PRICKLE2: variants seen among roughly 807,000 people sequenced by gnomAD.
PRICKLE2 encodes the protein prickle planar cell polarity protein 2.
Under a neutral mutation model 81.4 loss-of-function variants are expected in PRICKLE2, and 21 were observed. That is an observed-to-expected ratio of 0.26 (90% CI 0.18 to 0.37). PRICKLE2 has a LOEUF of 0.37. Ranked by LOEUF, PRICKLE2 falls within the 10% of genes least tolerant of loss-of-function variation. The pLI is 1.00. For synonymous variants in PRICKLE2, 456 were observed against 421.5 expected (o/e 1.08, Z -1.00); for missense variants, 940 against 1,109.0 (o/e 0.85, Z 2.16).
Position 64,177,487 on chromosome 3 carries a change from A to G in PRICKLE2, c.145-14358T>C, listed in dbSNP as rs1575623560. 2.0e-5 allele frequency among the ~76,000 whole-genome samples: 3 copies of G among 152,234 alleles called. No individual in the cohort carries two copies. The South Asian group carries it at 6.2e-4, about 32-fold the overall frequency. On this transcript the variant is annotated intron_variant, in intron 2 of 7. Coordinates refer to ENST00000638394, the MANE Select transcript of PRICKLE2 (RefSeq NM_198859.4). ...CAGTGGCACTGGGTACATTCACAAT[A>G]TCATGCAATCATCACCACTATCTCG...
chr3:64,221,623 G>A (rs926398162), intron 1 of PRICKLE2, among the ~76,000 whole-genome samples: 2 of 152,178 alleles, frequency 1.3e-5, no homozygotes, highest in Non-Finnish European at 2.9e-5. Flanking sequence ...GTCACCAGCA[G>A]TTCCCTGTTT....
At chr3:64,101,529 A>C (rs1281041677) in intron 7 of PRICKLE2, 1 of 152,248 alleles carries the variant, frequency 6.6e-6, no homozygotes, top group Admixed American at 6.5e-5. Flanking sequence ...CACTGGCCAA[A>C]TCTGAACAAT....
chr3:64,226,152 C>T (rs1380336817), upstream of PRICKLE2, among the ~76,000 whole-genome samples: 1 of 152,150 alleles, frequency 6.6e-6, no homozygotes, highest in African/African-American at 2.4e-5. Context: ...CTTCCATCTC[C>T]TCATTTTACA....
intron 2 of PRICKLE2, among the ~76,000 whole-genome samples, chr3:64,261,419 T>C (rs1183882748): frequency 2.0e-5 from 3 of 152,170 alleles, no homozygotes. Flanking sequence ...AATGATGCAA[T>C]CCTTGCCTTT....
chr3:64,176,963 C>T (rs903841481), intron 2 of PRICKLE2, among the ~76,000 whole-genome samples: 13 of 152,000 alleles, frequency 8.6e-5, no homozygotes, highest in African/African-American at 1.2e-4. Flanking sequence ...CTATATTATG[C>T]CACTTTAGAG....
intron 2 of PRICKLE2, among the ~76,000 whole-genome samples, chr3:64,244,087 G>A (rs2079310331): frequency 6.6e-6 from 1 of 152,186 alleles, no homozygotes; most frequent in South Asian, 2.1e-4. Context: ...AAACTAACAG[G>A]ATGAATAGAA....
intron 2 of PRICKLE2, among the ~76,000 whole-genome samples, chr3:64,249,878 T>A (rs980791519): frequency 6.6e-6 from 1 of 152,366 alleles, no homozygotes; most frequent in East Asian, 1.9e-4. Flanking sequence ...CTAGAGAGCA[T>A]GCATTGTGTA....
At chr3:64,176,271 G>A (rs2078021158) in intron 2 of PRICKLE2, among the ~76,000 whole-genome samples, 1 of 152,178 alleles carries the variant, frequency 6.6e-6, no homozygotes, top group Non-Finnish European at 1.5e-5. Flanking sequence ...CTAAAACTGG[G>A]TGACACCTAG....
intron 2 of PRICKLE2, among the ~76,000 whole-genome samples, chr3:64,173,724 C>T (rs2077973056): frequency 2.0e-5 from 3 of 152,178 alleles, no homozygotes; most frequent in Admixed American, 1.3e-4. Flanking sequence ...GACAACTGAT[C>T]TGTTGCCCAA....
intron 2 of PRICKLE2, 151 bp from the exon 3 acceptor site, chr3:64,163,280 G>T (rs2077764251): frequency 2.9e-6 from 2 of 690,330 alleles, no homozygotes; most frequent in Non-Finnish European, 5.3e-6. Context: ...AGTTTCCTAT[G>T]GTAAGCAGAG....
chr3:64,195,425 A>G (rs1296034091), intron 2 of PRICKLE2, among the ~76,000 whole-genome samples: 1 of 152,240 alleles, frequency 6.6e-6, no homozygotes, highest in African/African-American at 2.4e-5. Flanking sequence ...ACCTGAAGGT[A>G]TATTACCAAC....
intron 2 of PRICKLE2, among the ~76,000 whole-genome samples, chr3:64,262,121 C>T (rs542979153): frequency 6.6e-6 from 1 of 152,288 alleles, no homozygotes; most frequent in East Asian, 1.9e-4. Flanking sequence ...AACGCACACT[C>T]TATCAAGATA....
intron 1 of PRICKLE2, among the ~76,000 whole-genome samples, chr3:64,214,514 C>T (rs2078841531): frequency 6.6e-6 from 1 of 152,138 alleles, no homozygotes; most frequent in African/African-American, 2.4e-5. Context: ...AAGTGAGATG[C>T]TGATTTCCCT....
rs1451445560 is a variant in PRICKLE2, at chr3:64,092,753, G to A, written c.*6298C>T. The stretch of plus-strand genomic sequence containing the variant: ...ACTGAAAATTAACTGTGTGGCCTGG[G>A]TAGGAATCAGTTTCAAGAATTCTCA... On this transcript the variant is annotated 3_prime_UTR_variant, in exon 8 of 8. Coordinates refer to ENST00000638394, the MANE Select transcript of PRICKLE2 (RefSeq NM_198859.4). The A allele has an allele frequency of 6.6e-6, 1 of 152,298 alleles. No homozygotes were observed. The highest frequency in any genetic ancestry group is 1.9e-4 in the East Asian group (1 of 5,184). The allele number at this position is 152,298 out of a possible 1,614,324, so 9.4% of individuals were successfully genotyped here. A position where few individuals can be genotyped will look rare whatever the true frequency, so the allele number is the denominator to read the frequency against.
chr3:64,209,774 TTAAG>T (rs1370746519), intron 1 of PRICKLE2, among the ~76,000 whole-genome samples: 1 of 152,220 alleles, frequency 6.6e-6, no homozygotes, highest in Non-Finnish European at 1.5e-5. Context: ...CACTCAACAG[TTAAG>T]TAAACAAACA....
At chr3:64,197,242 A>G (rs2078471995) in intron 2 of PRICKLE2, among the ~76,000 whole-genome samples, 1 of 152,160 alleles carries the variant, frequency 6.6e-6, no homozygotes, top group Non-Finnish European at 1.5e-5. Context: ...TGTCTTTACA[A>G]TAGAATGATT....
chr3:64,125,311 A>AAAGATGTAGAATAT (rs1160960178), intron 7 of PRICKLE2, among the ~76,000 whole-genome samples: 1 of 152,242 alleles, frequency 6.6e-6, no homozygotes, highest in Non-Finnish European at 1.5e-5. Flanking sequence ...AATGACAACA[A>AAAGATGTAGAATAT]AAGATGTAGA....
At chr3:64,238,441 C>T (rs1225694479) in intron 2 of PRICKLE2, among the ~76,000 whole-genome samples, 1 of 147,002 alleles carries the variant, frequency 6.8e-6, no homozygotes, top group African/African-American at 2.5e-5. Context: ...GAACCGAGAT[C>T]ACGCCACTGC....
chr3:64,252,834 T>C (rs2079468026), intron 2 of PRICKLE2, among the ~76,000 whole-genome samples: 1 of 152,254 alleles, frequency 6.6e-6, no homozygotes, highest in Non-Finnish European at 1.5e-5. Context: ...TTGTGGGCCA[T>C]ATAGTCTCTG....
Sources: allele counts gnomAD v4.1 joint callset (sites outside exome capture counted in the v4.1 genomes callset), GRCh38; gene constraint gnomAD v4.1.1; transcripts MANE v1.5; gene names NCBI Gene and HGNC (gene_info 2026-07-23, HGNC 2026-07-21).